SMAP1: variants seen among roughly 807,000 people sequenced by gnomAD.
SMAP1 encodes stromal membrane-associated protein 1.
Under a neutral mutation model 58.5 loss-of-function variants are expected in SMAP1, and 24 were observed. The observed-to-expected ratio is 0.41, with a 90% CI of 0.30 to 0.58. The LOEUF (loss-of-function observed/expected upper bound fraction) is 0.58. SMAP1 is among the 20% of genes least tolerant of loss of function. The pLI is 0.29. For missense variants in SMAP1, 563 were observed against 566.3 expected, an observed-to-expected ratio of 0.99 and a Z score of 0.06; for synonymous variants, 216 against 196.6, an observed-to-expected ratio of 1.10 and a Z score of -0.82.
At chr6:70,684,280 G>A (rs896706829) in intron 1 of SMAP1, among the ~76,000 whole-genome samples, 1 of 152,214 alleles carries the variant, frequency 6.6e-6, no homozygotes, top group African/African-American at 2.4e-5. Flanking sequence ...AAATATTTTT[G>A]TGTTTGAGAG....
At chr6:70,854,421 A>G (rs767452117) in intron 8 of SMAP1, among the ~76,000 whole-genome samples, 1 of 152,130 alleles carries the variant, frequency 6.6e-6, no homozygotes, top group African/African-American at 2.4e-5. Flanking sequence ...CAGGAGTTCA[A>G]CACCAGCCTG....
At chr6:70,710,987 C>T (rs531828774) in intron 1 of SMAP1, among the ~76,000 whole-genome samples, 2 of 152,252 alleles carry the variant, frequency 1.3e-5, no homozygotes, top group African/African-American at 4.8e-5. Flanking sequence ...CATGGAAGGT[C>T]TTCAAGGGCA....
chr6:70,814,427 T>C (rs12211207), intron 6 of SMAP1, among the ~76,000 whole-genome samples: 75,699 of 152,020 alleles, frequency 0.5, 19,206 homozygotes, highest in African/African-American at 0.52. Flanking sequence ...AATAATCTTA[T>C]AGAGACTACT....
intron 1 of SMAP1, among the ~76,000 whole-genome samples, chr6:70,718,122 T>C (rs1175052866): frequency 6.6e-6 from 1 of 152,140 alleles, no homozygotes; most frequent in Admixed American, 6.6e-5. Flanking sequence ...AAAATTTTAT[T>C]GTTTACTGGC....
rs867702740 is a variant in SMAP1 at position 70,785,906 on chromosome 6, G to T, written c.415-5783G>T. Among the ~76,000 whole-genome samples the T allele has an allele frequency of 7.6e-3, 1,163 of 152,156 alleles. 12 individuals carry two copies. The highest frequency in any genetic ancestry group is 0.025 in the African/African-American group (1,027 of 41,510). On this transcript the variant is annotated intron_variant, in intron 4 of 10. Coordinates refer to ENST00000370455, the MANE Select transcript of SMAP1 (RefSeq NM_001044305.3). ...GAGCTGGTACCATTCCTTCTGAAAC[G>T]ATTCCAATCAATAGAAAAAGAGGGA...
At chr6:70,800,714 T>C (rs959752572) in intron 6 of SMAP1, among the ~76,000 whole-genome samples, 4 of 149,582 alleles carry the variant, frequency 2.7e-5, no homozygotes, top group Non-Finnish European at 5.9e-5. Flanking sequence ...CCCTGCCCTG[T>C]GTCCAAGTGA....
At chr6:70,857,765 G>C (rs1233431616) in intron 9 of SMAP1, 157 bp from the exon 10 acceptor site, 5 of 660,918 alleles carry the variant, frequency 7.6e-6, no homozygotes, top group South Asian at 5.9e-5. Context: ...AGCTCTCAGG[G>C]TTTAGGTGTG....
chr6:70,788,788 G>A (rs1176928949), intron 4 of SMAP1, among the ~76,000 whole-genome samples: 2 of 152,196 alleles, frequency 1.3e-5, no homozygotes, highest in African/African-American at 2.4e-5. Flanking sequence ...CCTGATTAAG[G>A]AGTTTGTACT....
intron 7 of SMAP1, among the ~76,000 whole-genome samples, chr6:70,840,397 A>G (rs984916019): frequency 2.4e-4 from 37 of 152,218 alleles, no homozygotes; most frequent in African/African-American, 8.4e-4. Context: ...GTTCAAACAT[A>G]AAATGCTTTA....
intron 4 of SMAP1, among the ~76,000 whole-genome samples, chr6:70,784,677 A>C (rs530275521): frequency 1.6e-4 from 25 of 152,364 alleles, no homozygotes; most frequent in Non-Finnish European, 2.9e-4. Flanking sequence ...AACAGACTTC[A>C]AACCAACAAA....
chr6:70,680,597 A>G (rs1215140030), intron 1 of SMAP1, among the ~76,000 whole-genome samples: 2 of 152,162 alleles, frequency 1.3e-5, no homozygotes, highest in Non-Finnish European at 2.9e-5. Flanking sequence ...CAGTGGAATA[A>G]TGTTTTACAG....
At chr6:70,750,138 T>C (rs564306258) in intron 2 of SMAP1, among the ~76,000 whole-genome samples, 4 of 152,326 alleles carry the variant, frequency 2.6e-5, no homozygotes, top group African/African-American at 9.6e-5. Flanking sequence ...TCTTCACATA[T>C]TTATTTCAAG....
intron 6 of SMAP1, among the ~76,000 whole-genome samples, chr6:70,802,419 G>T (rs1207232848): frequency 2.0e-5 from 3 of 152,098 alleles, no homozygotes; most frequent in Non-Finnish European, 4.4e-5. Context: ...TGAGACGATG[G>T]GGTTTTCTGG....
At chr6:70,677,575 C>T (rs541530937) in intron 1 of SMAP1, among the ~76,000 whole-genome samples, 6 of 151,426 alleles carry the variant, frequency 4.0e-5, no homozygotes, top group Non-Finnish European at 7.4e-5. Context: ...CCCGCCACCG[C>T]GCCCAGCTAA....
intron 4 of SMAP1, among the ~76,000 whole-genome samples, chr6:70,775,694 A>G (rs1362668942): frequency 2.0e-5 from 3 of 152,194 alleles, no homozygotes; most frequent in Non-Finnish European, 4.4e-5. Context: ...GCTTGAGAGT[A>G]AAAATTTTAA....
intron 3 of SMAP1, among the ~76,000 whole-genome samples, chr6:70,756,405 T>C (rs1582121718): frequency 6.6e-6 from 1 of 152,160 alleles, no homozygotes; most frequent in East Asian, 1.9e-4. Context: ...TGGCGTTTTC[T>C]GTTTCTGTTC....
intron 3 of SMAP1, among the ~76,000 whole-genome samples, chr6:70,767,829 C>A (rs9455221): frequency 0.46 from 61,282 of 132,238 alleles, 14,505 homozygotes; most frequent in African/African-American, 0.53. Context: ...GTCTTGTGCC[C>A]GTTTTCAAAG....
chr6:70,802,804 A>T (rs979177163), intron 6 of SMAP1, among the ~76,000 whole-genome samples: 8 of 152,174 alleles, frequency 5.3e-5, no homozygotes, highest in Non-Finnish European at 1.0e-4. Context: ...GTGATGGATC[A>T]CGTTTATCGA....
At chr6:70,700,403 AT>A (rs551402929) in intron 1 of SMAP1, among the ~76,000 whole-genome samples, 77 of 152,286 alleles carry the variant, frequency 5.1e-4, no homozygotes, top group African/African-American at 1.6e-3. Flanking sequence ...GGTTCAAGCG[AT>A]TCTTGTGCCT....
Sources: gnomAD v4.1 joint callset for allele counts (sites outside exome capture counted in the v4.1 genomes callset) on GRCh38, gnomAD v4.1.1 for gene constraint, MANE v1.5 for transcripts, NCBI Gene and HGNC (gene_info 2026-07-23, HGNC 2026-07-21) for gene names.